Variants in NOL10 observed in about 807,000 individuals in gnomAD.
The protein encoded by NOL10 is H_NH0074G24.1.
NOL10 carries 58 observed loss-of-function variants against 103.5 expected under a neutral mutation model. The observed-to-expected ratio is 0.56, with a 90% confidence interval of 0.45 to 0.70. The LOEUF (loss-of-function observed/expected upper bound fraction) is 0.70. Among genes scored for constraint, NOL10 ranks in the 30% least tolerant of loss-of-function variants. The pLI is 0.00. For synonymous variants in NOL10, 287 were observed against 282.5 expected, an observed-to-expected ratio of 1.02 and a Z score of -0.16; for missense variants, 763 against 807.3, an observed-to-expected ratio of 0.95 and a Z score of 0.67.
intron 13 of NOL10, among the ~76,000 whole-genome samples, chr2:10,631,793 C>G (rs995723763): frequency 2.0e-5 from 3 of 151,800 alleles, no homozygotes; most frequent in Non-Finnish European, 1.5e-5. Context: ...CAGCTCACTG[C>G]AACCTCTGCC....
Position 10,655,261 on chromosome 2 carries a change from AAAAGAAGGG to A in NOL10, c.907-723_907-715del, listed in dbSNP as rs529274278. Among the ~76,000 whole-genome samples the A allele has an allele frequency of 7.6e-4, 115 of 151,888 alleles. 1 individual carries two copies. In the South Asian group the frequency reaches 0.023, roughly 30 times the overall value. ...AAAGGAAGGAAGGAAGAAAGGAAAGAAAAGAAGGGAAAGAAGGGAAGAAAAGAAAAAGGA... is the reference window on the plus strand; with the variant it reads ...AAAGGAAGGAAGGAAGAAAGGAAAGAAAAGAAGGGAAGAAAAGAAAAAGGA... On this transcript the variant is annotated intron_variant, in intron 11 of 20. Transcript: ENST00000381685.
At chr2:10,682,647 A>G (rs1681861071) in intron 2 of NOL10, among the ~76,000 whole-genome samples, 1 of 151,820 alleles carries the variant, frequency 6.6e-6, no homozygotes, top group Non-Finnish European at 1.5e-5. Context: ...CAATCCTCAC[A>G]CTTCAGCCTC....
chr2:10,649,942 AT>A lies in NOL10; in HGVS notation c.973+4538del, dbSNP rs1242734695. Among the ~76,000 whole-genome samples, 22 of 152,108 alleles carry A rather than the reference AT, an allele frequency of 1.4e-4. 1 individual carries two copies. The highest frequency in any genetic ancestry group is 1.4e-3 in the Admixed American group (22 of 15,268). ...TCTTCTTAGATTTTTTTTTCCAACC[AT>A]TTAAAAATGTAAAACCCATTCTTAA... On this transcript the variant is annotated intron_variant, in intron 12 of 20. Coordinates refer to ENST00000381685, the MANE Select transcript of NOL10 (RefSeq NM_024894.4).
chr2:10,588,033 G>A (rs1301147216), intron 19 of NOL10, among the ~76,000 whole-genome samples: 4 of 152,074 alleles, frequency 2.6e-5, no homozygotes, highest in East Asian at 3.9e-4. Flanking sequence ...TCCTGTGACC[G>A]TCTATCATAT....
At chr2:10,634,460 T>C (rs1678056301) in intron 13 of NOL10, 1 of 455,264 alleles carries the variant, frequency 2.2e-6, no homozygotes, top group South Asian at 1.6e-5. Flanking sequence ...GGATCAGAAG[T>C]TCTGATGTAG....
rs541139198 is a variant in NOL10, at chr2:10,579,783, TA to T, written c.1845-2046del. Among the ~76,000 whole-genome samples, 21 of 147,970 alleles carry T rather than the reference TA, an allele frequency of 1.4e-4. No individual in the cohort carries two copies. In the South Asian group the frequency reaches 1.5e-3, roughly 10 times the overall value. On this transcript the variant is annotated intron_variant, in intron 19 of 20. Transcript: ENST00000381685. Reference sequence around the variant, plus strand: ...CTTTCTTAATAAACTTGCTTTCACTTAAAAAAAAAAGTTAACAGGAATTCTG... The same window carrying T: ...CTTTCTTAATAAACTTGCTTTCACTTAAAAAAAAAGTTAACAGGAATTCTG...
chr2:10,652,337 G>C (rs1336258657), intron 12 of NOL10, among the ~76,000 whole-genome samples: 1 of 151,612 alleles, frequency 6.6e-6, no homozygotes. Context: ...ACACCAGCTG[G>C]GTGACCAACC....
chr2:10,628,025 G>A (rs1045543158), intron 13 of NOL10, among the ~76,000 whole-genome samples: 2 of 152,076 alleles, frequency 1.3e-5, no homozygotes, highest in Non-Finnish European at 2.9e-5. Flanking sequence ...AGCTGTGAAA[G>A]GCGAGTGCTT....
intron 5 of NOL10, among the ~76,000 whole-genome samples, chr2:10,672,716 G>T (rs1371805486): frequency 6.6e-6 from 1 of 152,110 alleles, no homozygotes; most frequent in Non-Finnish European, 1.5e-5. Context: ...AGATGGGTCG[G>T]GGGCAGTTGC....
At chr2:10,632,347 C>G (rs747391499) in intron 13 of NOL10, among the ~76,000 whole-genome samples, 4 of 152,332 alleles carry the variant, frequency 2.6e-5, no homozygotes, top group Non-Finnish European at 5.9e-5. Context: ...TCTGTCACAG[C>G]TACTCAACTT....
At chr2:10,650,306 G>A (rs1052681585) in intron 12 of NOL10, among the ~76,000 whole-genome samples, 13 of 151,548 alleles carry the variant, frequency 8.6e-5, no homozygotes, top group Non-Finnish European at 1.5e-4. Flanking sequence ...GACTACAGGC[G>A]CACAGTGCCA....
intron 20 of NOL10, among the ~76,000 whole-genome samples, chr2:10,575,694 C>A (rs1327827287): frequency 6.6e-6 from 1 of 152,122 alleles, no homozygotes; most frequent in Non-Finnish European, 1.5e-5. Context: ...CATGTTACTG[C>A]AAGGTAGGTG....
chr2:10,671,780 C>T, intron 5 of NOL10, 90 bp from the exon 6 acceptor site: 1 of 868,348 alleles, frequency 1.2e-6, no homozygotes, highest in African/African-American at 1.7e-5. Context: ...CCAAGGAAAA[C>T]CCTTACCTCT....
At chr2:10,651,111 C>T (rs1363057858) in intron 12 of NOL10, among the ~76,000 whole-genome samples, 3 of 152,166 alleles carry the variant, frequency 2.0e-5, no homozygotes, top group African/African-American at 4.8e-5. Flanking sequence ...TCAAGTTGCC[C>T]ACAAGAGTCC....
In NOL10 at chr2:10,644,348, G is replaced by C. The variant is rs1382564088; in HGVS notation, c.998C>G (p.Thr333Ser). The change falls in exon 13 of 21, where the codon ACC becomes AGC. Residue 333 changes from threonine (T) to serine (S), a missense_variant. Coordinates refer to ENST00000381685, the MANE Select transcript of NOL10 (RefSeq NM_024894.4). ...NSGMLLTANE[T>S]PKMGIYYIPV... ...AATGTAATAGATGCCCATCTTGGGG[G>C]TTTCATTGGCCGTCAGAAGCATGCC... is the stretch of plus-strand genomic sequence containing the variant. The C allele has an allele frequency of 3.9e-6, 6 of 1,540,106 alleles. No homozygotes were observed. The highest frequency in any genetic ancestry group is 1.2e-5 in the South Asian group (1 of 81,494).
intron 19 of NOL10, among the ~76,000 whole-genome samples, chr2:10,583,736 C>T (rs6751436): frequency 0.3 from 46,261 of 152,148 alleles, 7,763 homozygotes; most frequent in Non-Finnish European, 0.38. Flanking sequence ...CTCTCCACCC[C>T]ATCGTTCAGG....
At chr2:10,593,127 T>TC (rs1316953265) in intron 17 of NOL10, among the ~76,000 whole-genome samples, 2 of 118,034 alleles carry the variant, frequency 1.7e-5, no homozygotes, top group East Asian at 5.0e-4. Context: ...TGAAACAAAT[T>TC]AGTTTTTTTT....
At chr2:10,604,931 G>A (rs1486528557) in intron 14 of NOL10, 1 of 152,174 alleles carries the variant, frequency 6.6e-6, no homozygotes, top group African/African-American at 2.4e-5. Context: ...AGAAGTATGC[G>A]AGGTAAAGAA....
intron 14 of NOL10, among the ~76,000 whole-genome samples, chr2:10,604,500 G>A (rs1232320682): frequency 6.6e-6 from 1 of 152,084 alleles, no homozygotes; most frequent in Non-Finnish European, 1.5e-5. Context: ...AAAAATATGG[G>A]GTTTGCACTT....
Sources: allele counts gnomAD v4.1 joint callset (sites outside exome capture counted in the v4.1 genomes callset), GRCh38; gene constraint gnomAD v4.1.1; transcripts MANE v1.5; gene names NCBI Gene and HGNC (gene_info 2026-07-23, HGNC 2026-07-21).